The following ACTR3C variants were observed in gnomAD, a reference collection of about 807,000 sequenced individuals.
The protein encoded by ACTR3C is actin related protein 3C.
A neutral mutation model predicts 26.3 loss-of-function variants in ACTR3C; 18 were observed. That is an observed-to-expected ratio of 0.68 (90% confidence interval 0.47 to 1.01). The LOEUF is 1.01. Among genes scored for constraint, ACTR3C ranks in the 50% least tolerant of loss-of-function variants. The pLI is 0.00. For synonymous variants in ACTR3C, 55 were observed against 94.5 expected, an observed-to-expected ratio of 0.58 and a Z score of 2.42; for missense variants, 184 against 250.7, an observed-to-expected ratio of 0.73 and a Z score of 1.80.
At chr7:150,183,090 G>T in the ACTR3C span, among the ~76,000 whole-genome samples, 1 of 150,794 alleles carries the variant, frequency 6.6e-6, no homozygotes, top group African/African-American at 2.5e-5. Flanking sequence ...TATTATGTTT[G>T]TTGATGAACT....
the ACTR3C span, among the ~76,000 whole-genome samples, chr7:149,907,673 C>T: frequency 5.4e-3 from 820 of 151,650 alleles, 4 homozygotes; most frequent in African/African-American, 0.019. Context: ...TAACTGTCTT[C>T]GCTTCCCGTC....
At chr7:150,081,065 G>C in the ACTR3C span, among the ~76,000 whole-genome samples, 1 of 152,086 alleles carries the variant, frequency 6.6e-6, no homozygotes, top group African/African-American at 2.4e-5. Context: ...TCCTTGCTTC[G>C]TAATAAGACA....
At chr7:150,261,145 G>C (rs1232171555) in intron 6 of ACTR3C, among the ~76,000 whole-genome samples, 1 of 152,202 alleles carries the variant, frequency 6.6e-6, no homozygotes, top group Non-Finnish European at 1.5e-5. Context: ...AACTTTTCAA[G>C]ATATTTGGAG....
chr7:150,080,709 AAG>A, the ACTR3C span, among the ~76,000 whole-genome samples: 2 of 152,198 alleles, frequency 1.3e-5, no homozygotes, highest in Non-Finnish European at 2.9e-5. Context: ...TCCACAGGAA[AAG>A]AGTTTCCTGC....
chr7:150,019,202 GA>G, the ACTR3C span, among the ~76,000 whole-genome samples: 1 of 150,344 alleles, frequency 6.7e-6, no homozygotes, highest in Non-Finnish European at 1.5e-5. Context: ...TTGAGATCAT[GA>G]AGGAAGGAAG....
At chr7:150,024,843 T>C in the ACTR3C span, among the ~76,000 whole-genome samples, 109,145 of 121,864 alleles carry the variant, frequency 0.9, 48,663 homozygotes, top group East Asian at 0.96. Context: ...AATTCATGCA[T>C]TACAAATGCA....
At chr7:150,299,580 G>A (rs1311707064) in intron 1 of ACTR3C, among the ~76,000 whole-genome samples, 3 of 150,622 alleles carry the variant, frequency 2.0e-5, no homozygotes, top group Non-Finnish European at 4.4e-5. Flanking sequence ...GAGGTCAGGA[G>A]TTCAAGACCA....
At chr7:150,283,384 T>C (rs550319401) in intron 6 of ACTR3C, among the ~76,000 whole-genome samples, 2 of 150,098 alleles carry the variant, frequency 1.3e-5, no homozygotes, top group Non-Finnish European at 1.5e-5. Flanking sequence ...TTTAAGAATA[T>C]GCAGCAAAAA....
the ACTR3C span, among the ~76,000 whole-genome samples, chr7:149,999,071 C>G: frequency 6.6e-6 from 1 of 150,562 alleles, no homozygotes; most frequent in Non-Finnish European, 1.5e-5. Flanking sequence ...GCACTAGCTG[C>G]GTGCTCCTGG....
In ACTR3C at chr7:150,266,770, G is replaced by A. The variant is rs547041037; in HGVS notation, c.565-17716C>T. Among the ~76,000 whole-genome samples, 23 of 152,236 alleles carry A rather than the reference G, an allele frequency of 1.5e-4. No homozygotes were observed. In the South Asian group the frequency reaches 4.8e-3, roughly 32 times the overall value. On this transcript the variant is annotated intron_variant, in intron 6 of 7. Coordinates refer to ENST00000683684, the MANE Select transcript of ACTR3C (RefSeq NM_001164458.2). ...TGAAAAATGGGCAAAAGATTCAAAT[G>A]GACATTTCACAGAAGAAAATATACA...
At chr7:150,243,577 C>T (rs533176593), downstream of ACTR3C, among the ~76,000 whole-genome samples, 7 of 151,978 alleles carry the variant, frequency 4.6e-5, no homozygotes, top group East Asian at 1.2e-3. Flanking sequence ...GAATTAGTTC[C>T]GGGACCCTCC....
the ACTR3C span, among the ~76,000 whole-genome samples, chr7:150,224,150 A>G: frequency 2.6e-5 from 4 of 152,286 alleles, no homozygotes; most frequent in East Asian, 5.8e-4. Flanking sequence ...GCTTTATTCA[A>G]TTGATTAGAT....
chr7:149,904,363 C>T, the ACTR3C span, among the ~76,000 whole-genome samples: 16 of 151,394 alleles, frequency 1.1e-4, 1 homozygote, highest in Non-Finnish European at 2.4e-4. Context: ...AATCCCGTCT[C>T]TACTAAAAAT....
At chr7:150,193,030 A>G in the ACTR3C span, among the ~76,000 whole-genome samples, 2 of 152,130 alleles carry the variant, frequency 1.3e-5, no homozygotes, top group Admixed American at 6.5e-5. Context: ...CCTTCTCCCA[A>G]ACTTCCTTAT....
At chr7:150,054,814 A>C in the ACTR3C span, among the ~76,000 whole-genome samples, 5 of 152,232 alleles carry the variant, frequency 3.3e-5, no homozygotes, top group Non-Finnish European at 4.4e-5. Context: ...AGCACTGACT[A>C]TGTGCCATTC....
At chr7:150,065,388 T>G in the ACTR3C span, among the ~76,000 whole-genome samples, 3 of 152,262 alleles carry the variant, frequency 2.0e-5, no homozygotes, top group Non-Finnish European at 2.9e-5. Flanking sequence ...TTATTCGCTT[T>G]ACTTATTTTC....
At chr7:149,950,609 A>C in the ACTR3C span, among the ~76,000 whole-genome samples, 24 of 149,942 alleles carry the variant, frequency 1.6e-4, no homozygotes, top group Non-Finnish European at 3.2e-4. Context: ...TCCCACAGAG[A>C]CACAAAGTCA....
At chr7:150,124,062 A>G in the ACTR3C span, among the ~76,000 whole-genome samples, 4 of 152,126 alleles carry the variant, frequency 2.6e-5, no homozygotes, top group Non-Finnish European at 4.4e-5. Context: ...CCTCTTGATG[A>G]ATTACACTCC....
rs1277828350 is a variant in ACTR3C, at chr7:150,274,226, T to C, written c.564+10527A>G. Among the ~76,000 whole-genome samples the C allele has an allele frequency of 6.6e-6, 1 of 152,204 alleles. No homozygotes were observed. The highest frequency in any genetic ancestry group is 1.5e-5 in the Non-Finnish European group (1 of 68,032). On this transcript the variant is annotated intron_variant, in intron 6 of 7. Transcript: ENST00000683684. The surrounding 1 kb of genome is among the most constrained non-coding windows in gnomAD (Gnocchi z 4.1). Reference sequence around the variant, plus strand: ...CACTAGAAGATGGCATTTATTGCACTTCGCCCATAATGTGTTTGTTACCAA... The same window carrying C: ...CACTAGAAGATGGCATTTATTGCACCTCGCCCATAATGTGTTTGTTACCAA...
Sources: allele counts gnomAD v4.1 joint callset (sites outside exome capture counted in the v4.1 genomes callset), GRCh38; gene constraint gnomAD v4.1.1; non-coding constraint Gnocchi (gnomAD v3.1); transcripts MANE v1.5; gene names NCBI Gene and HGNC (gene_info 2026-07-23, HGNC 2026-07-21).